SPHKAP: variants seen among roughly 807,000 people sequenced by gnomAD.
The protein encoded by SPHKAP is SPHK1 interactor, AKAP domain containing.
Under a neutral mutation model 137.5 loss-of-function variants are expected in SPHKAP, and 67 were observed. The observed-to-expected ratio is 0.49, with a 90% confidence interval of 0.40 to 0.60. SPHKAP has a LOEUF of 0.60. Among genes scored for constraint, SPHKAP ranks in the 20% least tolerant of loss-of-function variants. SPHKAP has a pLI of 0.00. For missense variants in SPHKAP, 2,097 were observed against 2,069.3 expected (o/e 1.01, Z -0.26); for synonymous variants, 813 against 785.3 (o/e 1.04, Z -0.59).
chr2:228,176,432 G>A (rs1448699042), intron 1 of SPHKAP, among the ~76,000 whole-genome samples: 1 of 152,208 alleles, frequency 6.6e-6, no homozygotes, highest in Non-Finnish European at 1.5e-5. Context: ...TGACATAGAA[G>A]ATAAGTATAT....
intron 1 of SPHKAP, among the ~76,000 whole-genome samples, chr2:228,161,983 A>G (rs1700288981): frequency 6.6e-6 from 1 of 152,244 alleles, no homozygotes; most frequent in Non-Finnish European, 1.5e-5. Context: ...TTCCTTCAGA[A>G]GTACAATTTA....
chr2:228,034,605 G>C (rs991546584), intron 3 of SPHKAP, among the ~76,000 whole-genome samples: 3 of 152,104 alleles, frequency 2.0e-5, no homozygotes, highest in Admixed American at 6.5e-5. Context: ...CAATATCCTT[G>C]ATGAACATTG....
At chr2:228,139,389 A>T (rs1300559027) in intron 1 of SPHKAP, among the ~76,000 whole-genome samples, 2 of 152,200 alleles carry the variant, frequency 1.3e-5, no homozygotes, top group Non-Finnish European at 2.9e-5. Flanking sequence ...AAGACAATCA[A>T]ATAGTAAACT....
intron 2 of SPHKAP, among the ~76,000 whole-genome samples, chr2:228,119,858 T>C (rs945679244): frequency 6.9e-4 from 105 of 152,246 alleles, no homozygotes; most frequent in Non-Finnish European, 3.4e-4. Context: ...TTGTGTATTA[T>C]CCTCCTTTGA....
Position 228,019,686 on chromosome 2 carries a change from TG to T in SPHKAP, c.1167del (p.Lys390SerfsTer6). The stretch of plus-strand genomic sequence containing the variant: ...GATTCTGCTAAATTTGTAGCATACT[TG>T]CCAGTGGTGACTTCTCCATCTTGTC... ...PPRQDGEVTT[G>X]KYATNLAESV... On this transcript the variant is annotated frameshift_variant, in exon 7 of 12. Transcript: ENST00000392056. LOFTEE classifies it high-confidence loss of function. 6.2e-7 allele frequency: 1 copy of T among 1,614,232 alleles called. No homozygotes were observed. Among genetic ancestry groups the T allele is most frequent in the Non-Finnish European group, 8.5e-7 (1 of 1,180,036 alleles).
At chr2:228,005,117 TTC>T (rs1230497886) in intron 7 of SPHKAP, among the ~76,000 whole-genome samples, 1 of 152,160 alleles carries the variant, frequency 6.6e-6, no homozygotes, top group African/African-American at 2.4e-5. Flanking sequence ...CTTGTTAACT[TTC>T]TGTCTCGTTG....
At chr2:228,101,228 C>T (rs113324848) in intron 3 of SPHKAP, among the ~76,000 whole-genome samples, 72 of 152,302 alleles carry the variant, frequency 4.7e-4, no homozygotes, top group African/African-American at 1.6e-3. Context: ...CTTCCATACA[C>T]TAGAAGCATC....
Position 228,118,875 on chromosome 2 carries a change from A to G in SPHKAP, c.139-9936T>C, listed in dbSNP as rs151324140. ...ATTGGTGCACAAAACAAGAATAACA[A>G]CAACAAAAAAACCATTTTCCTTTTC... is the stretch of plus-strand genomic sequence containing the variant. On this transcript the variant is annotated intron_variant, in intron 2 of 11. Coordinates refer to ENST00000392056, the MANE Select transcript of SPHKAP (RefSeq NM_001142644.2). 3.7e-3 allele frequency among the ~76,000 whole-genome samples: 564 copies of G among 152,310 alleles called. 4 individuals carry two copies. Among genetic ancestry groups the G allele is most frequent in the African/African-American group, 0.013 (536 of 41,570 alleles).
chr2:227,988,649 T>G (rs753514893), intron 11 of SPHKAP, among the ~76,000 whole-genome samples: 5 of 152,202 alleles, frequency 3.3e-5, no homozygotes, highest in Non-Finnish European at 7.3e-5. Context: ...CATGCTCTTA[T>G]TCAGGGAGTG....
chr2:228,128,216 C>T (rs1460030065), intron 2 of SPHKAP, among the ~76,000 whole-genome samples: 5 of 152,194 alleles, frequency 3.3e-5, no homozygotes, highest in African/African-American at 1.2e-4. Flanking sequence ...TTAACCCTCT[C>T]AAAACTTGCT....
Position 228,026,864 on chromosome 2 carries a change from G to T in SPHKAP, c.306+620C>A, listed in dbSNP as rs140995980. The stretch of plus-strand genomic sequence containing the variant: ...TTCTGTGAAAATCAAGTGGCAAATC[G>T]TGTGCTGTTATACATTAAACAGTAT... On this transcript the variant is annotated intron_variant, in intron 4 of 11. Transcript: ENST00000392056. Among the ~76,000 whole-genome samples the T allele has an allele frequency of 6.6e-5, 10 of 152,262 alleles. No individual in the cohort carries two copies. The East Asian group carries it at 1.9e-3, about 29-fold the overall frequency.
intron 7 of SPHKAP, among the ~76,000 whole-genome samples, chr2:228,012,477 T>C (rs1694426909): frequency 6.6e-6 from 1 of 152,186 alleles, no homozygotes; most frequent in Admixed American, 6.5e-5. Context: ...CTCATCTCAA[T>C]GCCAACATCC....
At chr2:228,141,260 C>T (rs1460752218) in intron 1 of SPHKAP, among the ~76,000 whole-genome samples, 1 of 152,196 alleles carries the variant, frequency 6.6e-6, no homozygotes, top group East Asian at 1.9e-4. Context: ...TCAACCCTCT[C>T]TAAACCTTAG....
intron 3 of SPHKAP, among the ~76,000 whole-genome samples, chr2:228,088,571 A>G (rs191715899): frequency 6.6e-6 from 1 of 152,326 alleles, no homozygotes; most frequent in East Asian, 1.9e-4. Flanking sequence ...TATAGTTTGG[A>G]TGTTTATCCT....
chr2:228,135,204 G>A (rs540504153), intron 1 of SPHKAP, among the ~76,000 whole-genome samples: 2 of 148,886 alleles, frequency 1.3e-5, no homozygotes, highest in Non-Finnish European at 3.0e-5. Flanking sequence ...AACCCAGGAG[G>A]CAGAGGTTGT....
chr2:228,082,853 C>T (rs559417372), intron 3 of SPHKAP, among the ~76,000 whole-genome samples: 4 of 152,030 alleles, frequency 2.6e-5, no homozygotes, highest in Non-Finnish European at 4.4e-5. Flanking sequence ...TCTGGCAGAC[C>T]GGAAATATTA....
Position 228,019,298 on chromosome 2 carries a change from A to G in SPHKAP, c.1556T>C (p.Leu519Pro). 4.3e-6 allele frequency: 7 copies of G among 1,614,008 alleles called. No individual in the cohort carries two copies. The highest frequency in any genetic ancestry group is 5.9e-6 in the Non-Finnish European group (7 of 1,180,010). ...GTTCGAGACCACTTGCTCCATTTTG[A>G]GTCTTTCTGTGGCCTGTGGACTGGA... ...TISSPQATER[L>P]KMEQVVSNFP... Residue 519 changes from leucine (L) to proline (P), a missense_variant, in exon 7 of 12, where the codon CTC becomes CCC. Transcript: ENST00000392056.
rs1695834468 is a variant in SPHKAP, at chr2:228,041,385, C to T, written c.247-13842G>A. On this transcript the variant is annotated intron_variant, in intron 3 of 11. Coordinates refer to ENST00000392056, the MANE Select transcript of SPHKAP (RefSeq NM_001142644.2). ...CTGGGCTGGGCACAGTGGCTCACAC[C>T]TGTAGTCCCAGCACTTTGGGAGGCC... Among the ~76,000 whole-genome samples the T allele has an allele frequency of 3.9e-5, 6 of 152,258 alleles. No individual in the cohort carries two copies. The South Asian group carries it at 1.2e-3, about 32-fold the overall frequency.
chr2:228,181,653 G>A lies in SPHKAP; in HGVS notation c.-55C>T, dbSNP rs1700920583. The stretch of plus-strand genomic sequence containing the variant: ...GAAAGTGCAGGCGAAGGATAAGTCT[G>A]TGGTGCTAGGACCCAGCTCCCAGAG... On this transcript the variant is annotated 5_prime_UTR_variant, in exon 1 of 12. Coordinates refer to ENST00000392056, the MANE Select transcript of SPHKAP (RefSeq NM_001142644.2). This position sits in a 1 kb window ranked among gnomAD's most constrained non-coding sequence, Gnocchi z 4.3. 1 of 1,614,130 alleles carries A rather than the reference G, an allele frequency of 6.2e-7. No homozygotes were observed. Among genetic ancestry groups the A allele is most frequent in the Non-Finnish European group, 8.5e-7 (1 of 1,180,002 alleles).
Sources: allele counts gnomAD v4.1 joint callset (sites outside exome capture counted in the v4.1 genomes callset), GRCh38; gene constraint gnomAD v4.1.1; non-coding constraint Gnocchi (gnomAD v3.1); transcripts MANE v1.5; gene names NCBI Gene and HGNC (gene_info 2026-07-23, HGNC 2026-07-21).